Variants in CTNNBIP1 observed in about 807,000 individuals in gnomAD.
CTNNBIP1 encodes beta-catenin-interacting protein 1.
Under a neutral mutation model 11.8 loss-of-function variants are expected in CTNNBIP1, and 7 were observed. The ratio of observed to expected loss-of-function variants is 0.60; its 90% CI spans 0.34 to 1.12. The LOEUF (loss-of-function observed/expected upper bound fraction) is 1.12, where lower values mean the gene tolerates loss of function less well. Among genes scored for constraint, CTNNBIP1 ranks in the 50% most tolerant of loss-of-function variants. CTNNBIP1 has a pLI of 0.03. For missense variants in CTNNBIP1, 101 were observed against 113.4 expected (o/e 0.89, Z 0.50); for synonymous variants, 58 against 43.9 (o/e 1.32, Z -1.26).
At chr1:9,861,291 A>G (rs567730123) in intron 5 of CTNNBIP1, among the ~76,000 whole-genome samples, 2 of 152,326 alleles carry the variant, frequency 1.3e-5, no homozygotes, top group East Asian at 1.9e-4. Flanking sequence ...GCTCCTCCAA[A>G]GGGAAGCATT....
intron 1 of CTNNBIP1, chr1:9,893,069 A>G (rs1033900960): frequency 7.9e-5 from 12 of 152,254 alleles, no homozygotes; most frequent in African/African-American, 2.9e-4. Flanking sequence ...TCCAGTCTGA[A>G]GGCAAGGACA....
rs141343854 is a variant in CTNNBIP1 at position 9,895,599 on chromosome 1, G to A, written c.-143-11861C>T. On this transcript the variant is annotated intron_variant, in intron 1 of 5. Coordinates refer to ENST00000377263, the MANE Select transcript of CTNNBIP1 (RefSeq NM_020248.3). ...CAACCTCCGCCTCCCGGGTTCAAGCGATTCCATTGCCTCAGTCTCTCGAGC... is the reference window on the plus strand; with the variant it reads ...CAACCTCCGCCTCCCGGGTTCAAGCAATTCCATTGCCTCAGTCTCTCGAGC... Among the ~76,000 whole-genome samples the A allele has an allele frequency of 6.6e-3, 1,004 of 152,158 alleles. 12 individuals are homozygous for A. The highest frequency in any genetic ancestry group is 0.023 in the African/African-American group (944 of 41,502).
intron 1 of CTNNBIP1, among the ~76,000 whole-genome samples, chr1:9,896,395 T>C (rs1013620211): frequency 6.6e-6 from 1 of 152,044 alleles, no homozygotes; most frequent in African/African-American, 2.4e-5. Context: ...GAGAAGAAAA[T>C]ATGAAATGAA....
rs1422855312 is a variant in CTNNBIP1, at chr1:9,872,324, G to A, written c.-24-236C>T. On this transcript the variant is annotated intron_variant, in intron 3 of 5. Transcript: ENST00000377263. The surrounding 1 kb of genome is among the most constrained non-coding windows in gnomAD (Gnocchi z 4.0). ...AGGCGCTGCAAGGGCTGGCCTGCCT[G>A]CTGCCTCTGTGCATGAAGCTGCTGC... 6.6e-6 allele frequency among the ~76,000 whole-genome samples: 1 copy of A among 152,222 alleles called. No homozygotes were observed. The highest frequency in any genetic ancestry group is 2.4e-5 in the African/African-American group (1 of 41,460).
At chr1:9,890,588 A>G (rs1236358125) in intron 1 of CTNNBIP1, among the ~76,000 whole-genome samples, 1 of 152,098 alleles carries the variant, frequency 6.6e-6, no homozygotes, top group Non-Finnish European at 1.5e-5. Flanking sequence ...CAGGTTCCAG[A>G]GGGGTTACTA....
In CTNNBIP1 at chr1:9,859,700, TGAAA is replaced by T. The variant is rs149061942; in HGVS notation, c.188-8928_188-8925del. On this transcript the variant is annotated intron_variant, in intron 5 of 5. Transcript: ENST00000377263. The stretch of plus-strand genomic sequence containing the variant: ...TTATAGCTGGGTCAGCAATAGTGGA[TGAAA>T]GAGAGGAGCATGGAGATTCTAAAGC... Among the ~76,000 whole-genome samples the T allele has an allele frequency of 6.6e-5, 10 of 152,248 alleles. No homozygotes were observed. In the East Asian group the frequency reaches 1.9e-3, roughly 29 times the overall value.
chr1:9,886,559 CCT>C (rs1639191319), intron 1 of CTNNBIP1, among the ~76,000 whole-genome samples: 1 of 152,216 alleles, frequency 6.6e-6, no homozygotes, highest in Non-Finnish European at 1.5e-5. Context: ...CACACACGTC[CCT>C]ACAGGGCTTT....
At position 9,872,397 on chromosome 1, in the gene CTNNBIP1, GA is replaced by G. The variant is rs1285864585; in HGVS notation, c.-24-310del. 6.6e-6 allele frequency among the ~76,000 whole-genome samples: 1 copy of G among 152,226 alleles called. No homozygotes were observed. The highest frequency in any genetic ancestry group is 1.5e-5 in the Non-Finnish European group (1 of 68,038). On this transcript the variant is annotated intron_variant, in intron 3 of 5. Transcript: ENST00000377263. This position sits in a 1 kb window ranked among gnomAD's most constrained non-coding sequence, Gnocchi z 4.0. ...TGGACTGCTGGTTGTTTCTACCTGTGAATCACCCCAGAGCAAAGCTCCTGCT... is the reference window on the plus strand; with the variant it reads ...TGGACTGCTGGTTGTTTCTACCTGTGATCACCCCAGAGCAAAGCTCCTGCT...
chr1:9,897,282 G>A lies in CTNNBIP1; in HGVS notation c.-144+12813C>T, dbSNP rs1306845582. 3.3e-5 allele frequency among the ~76,000 whole-genome samples: 5 copies of A among 151,134 alleles called. 1 individual carries two copies. The East Asian group carries it at 8.0e-4, about 24-fold the overall frequency. On this transcript the variant is annotated intron_variant, in intron 1 of 5. Coordinates refer to ENST00000377263, the MANE Select transcript of CTNNBIP1 (RefSeq NM_020248.3). ...ATCCTGGCTAACATGGTGAAACCCC[G>A]TCTCTACTAAAAATACAAAAAATTA...
intron 1 of CTNNBIP1, among the ~76,000 whole-genome samples, chr1:9,886,480 C>G (rs1222548512): frequency 6.6e-6 from 1 of 152,222 alleles, no homozygotes; most frequent in Non-Finnish European, 1.5e-5. Context: ...GCAGCTGACA[C>G]GTACTCTGGC....
At chr1:9,900,700 G>T (rs1049584223) in intron 1 of CTNNBIP1, among the ~76,000 whole-genome samples, 2 of 152,316 alleles carry the variant, frequency 1.3e-5, no homozygotes, top group Non-Finnish European at 2.9e-5. Flanking sequence ...CACAAACTCT[G>T]GAAGACTGCT....
chr1:9,864,605 G>T, intron 5 of CTNNBIP1, among the ~76,000 whole-genome samples: 1 of 152,200 alleles, frequency 6.6e-6, no homozygotes. Flanking sequence ...TGAGATTACA[G>T]GTGTGAGCCA....
chr1:9,869,471 C>A (rs1468530614), intron 5 of CTNNBIP1, among the ~76,000 whole-genome samples: 1 of 152,154 alleles, frequency 6.6e-6, no homozygotes, highest in East Asian at 1.9e-4. Context: ...ATTACACCTG[C>A]ATGCTACCAT....
intron 1 of CTNNBIP1, chr1:9,892,954 T>C (rs547377673): frequency 2.0e-5 from 3 of 152,254 alleles, no homozygotes; most frequent in Non-Finnish European, 2.9e-5. Flanking sequence ...AAATCAACAA[T>C]GCTTTAAACA....
intron 2 of CTNNBIP1, among the ~76,000 whole-genome samples, chr1:9,881,225 G>C (rs1004430723): frequency 2.6e-5 from 4 of 151,620 alleles, no homozygotes; most frequent in Non-Finnish European, 5.9e-5. Flanking sequence ...TGTAGCGACA[G>C]GTTCTCATGA....
chr1:9,857,349 G>A (rs1017468385), intron 5 of CTNNBIP1, among the ~76,000 whole-genome samples: 11 of 151,744 alleles, frequency 7.2e-5, no homozygotes, highest in Admixed American at 1.3e-4. Context: ...GTGTGGTGGC[G>A]GGCGCCTGTA....
At position 9,867,596 on chromosome 1, in the gene CTNNBIP1, G is replaced by A. The variant is rs1484939947; in HGVS notation, c.187+3591C>T. On this transcript the variant is annotated intron_variant, in intron 5 of 5. Transcript: ENST00000377263. This position sits in a 1 kb window ranked among gnomAD's most constrained non-coding sequence, Gnocchi z 4.6. Reference sequence around the variant, plus strand: ...CTAGAGGAGTCCCGGGGTAGATGGAGCCTCCTCTGGCTCAGGGAACACCTA... The same window carrying A: ...CTAGAGGAGTCCCGGGGTAGATGGAACCTCCTCTGGCTCAGGGAACACCTA... Among the ~76,000 whole-genome samples the A allele has an allele frequency of 1.3e-5, 2 of 152,182 alleles. No homozygotes were observed. The highest frequency in any genetic ancestry group is 2.9e-5 in the Non-Finnish European group (2 of 68,004).
chr1:9,868,927 C>G (rs568105110), intron 5 of CTNNBIP1, among the ~76,000 whole-genome samples: 1 of 152,106 alleles, frequency 6.6e-6, no homozygotes, highest in Non-Finnish European at 1.5e-5. Flanking sequence ...TGAACCACCA[C>G]GCCCAGCACC....
At chr1:9,879,494 C>G (rs1316040654) in intron 2 of CTNNBIP1, among the ~76,000 whole-genome samples, 1 of 152,220 alleles carries the variant, frequency 6.6e-6, no homozygotes, top group Non-Finnish European at 1.5e-5. Flanking sequence ...ACTCTCTGTT[C>G]TGTGTGTCCC....
Sources: allele counts gnomAD v4.1 joint callset (sites outside exome capture counted in the v4.1 genomes callset), GRCh38; gene constraint gnomAD v4.1.1; non-coding constraint Gnocchi (gnomAD v3.1); transcripts MANE v1.5; gene names NCBI Gene and HGNC (gene_info 2026-07-23, HGNC 2026-07-21).